Variants in TSPAN18 observed in about 807,000 individuals in gnomAD.
TSPAN18 encodes the protein tetraspanin-18.
Under a neutral mutation model 27.3 loss-of-function variants are expected in TSPAN18, and 14 were observed. That is an observed-to-expected ratio of 0.51 (90% CI 0.34 to 0.80). The LOEUF is 0.80. Among genes scored for constraint, TSPAN18 ranks in the 30% least tolerant of loss-of-function variants. The pLI, the probability that TSPAN18 is intolerant of heterozygous loss-of-function variation, is 0.01. For synonymous variants in TSPAN18, 143 were observed against 136.5 expected, an observed-to-expected ratio of 1.05 and a Z score of -0.33; for missense variants, 268 against 323.9, an observed-to-expected ratio of 0.83 and a Z score of 1.32.
chr11:44,903,466 C>T (rs1277547199), intron 3 of TSPAN18: 3 of 456,454 alleles, frequency 6.6e-6, no homozygotes, highest in Non-Finnish European at 1.3e-5. Context: ...GCAGCTTGGT[C>T]TCCTGTAGAG....
chr11:44,855,285 G>A (rs187712822), intron 2 of TSPAN18, among the ~76,000 whole-genome samples: 50 of 152,120 alleles, frequency 3.3e-4, no homozygotes, highest in Non-Finnish European at 6.0e-4. Flanking sequence ...TCTTTTCTGA[G>A]TCATCTCAGG....
intron 1 of TSPAN18, among the ~76,000 whole-genome samples, chr11:44,750,315 T>G (rs1170503400): frequency 1.3e-5 from 2 of 152,254 alleles, no homozygotes; most frequent in Non-Finnish European, 2.9e-5. Flanking sequence ...TTCCCTCTCC[T>G]GCCTTCCTCA....
intron 3 of TSPAN18, among the ~76,000 whole-genome samples, chr11:44,878,907 T>C (rs1325371257): frequency 6.6e-6 from 1 of 151,964 alleles, no homozygotes; most frequent in African/African-American, 2.4e-5. Flanking sequence ...GTGTGTGATG[T>C]TGGGCAACCC....
At chr11:44,740,550 G>A (rs1365971974) in intron 1 of TSPAN18, among the ~76,000 whole-genome samples, 9 of 152,170 alleles carry the variant, frequency 5.9e-5, no homozygotes, top group Admixed American at 5.9e-4. Flanking sequence ...AGAAGCTGAT[G>A]GGGACGTAGT....
chr11:44,834,143 T>C (rs896263749), intron 2 of TSPAN18, among the ~76,000 whole-genome samples: 31 of 151,730 alleles, frequency 2.0e-4, no homozygotes, highest in Admixed American at 4.6e-4. Context: ...TTTTTAGGAT[T>C]CTTTTTTTTT....
intron 3 of TSPAN18, among the ~76,000 whole-genome samples, chr11:44,898,072 A>T (rs1399355949): frequency 6.6e-6 from 1 of 152,200 alleles, no homozygotes; most frequent in Non-Finnish European, 1.5e-5. Context: ...TTGAGGACCC[A>T]CTATGTGCCA....
At chr11:44,834,352 A>G (rs1857219861) in intron 2 of TSPAN18, among the ~76,000 whole-genome samples, 2 of 152,154 alleles carry the variant, frequency 1.3e-5, no homozygotes, top group African/African-American at 2.4e-5. Context: ...TGTTGGCTCC[A>G]AAAGGAGAGA....
rs181682191 is a variant in TSPAN18, at chr11:44,740,082, C to T, written c.-240+12795C>T. Among the ~76,000 whole-genome samples the T allele has an allele frequency of 2.1e-3, 323 of 152,328 alleles. 1 individual carries two copies. The highest frequency in any genetic ancestry group is 6.8e-3 in the Middle Eastern group (2 of 294). On this transcript the variant is annotated intron_variant, in intron 1 of 9. Coordinates refer to ENST00000520358, the MANE Select transcript of TSPAN18 (RefSeq NM_130783.5). ...GAGACACCTATGGTAGGGTGGCTAC[C>T]GGGTCAGTGGCTTATTCTCTTTGTC...
At chr11:44,747,001 C>T (rs1855093347) in intron 1 of TSPAN18, among the ~76,000 whole-genome samples, 2 of 152,374 alleles carry the variant, frequency 1.3e-5, no homozygotes, top group East Asian at 1.9e-4. Flanking sequence ...TGGCGGTTCC[C>T]TCCTCGCTGG....
intron 1 of TSPAN18, among the ~76,000 whole-genome samples, chr11:44,741,007 C>T (rs560557469): frequency 6.6e-6 from 1 of 152,240 alleles, no homozygotes; most frequent in Admixed American, 6.5e-5. Context: ...ATATCCCATC[C>T]GCATCACGGG....
rs1454669335 is a variant in TSPAN18, at chr11:44,909,808, A to G, written c.167A>G (p.Tyr56Cys). 1 of 1,613,770 alleles carries G rather than the reference A, an allele frequency of 6.2e-7. No individual in the cohort carries two copies. The highest frequency in any genetic ancestry group is 1.3e-5 in the African/African-American group (1 of 74,884). The part of the protein sequence containing the change: ...AANPLLLTGA[Y>C]ILLAMGGLLF... ...AATCCTCTGCTCCTCACGGGCGCCTACATCCTCCTGGCCATGGGGGGCCTG... is the reference window on the plus strand; with the variant it reads ...AATCCTCTGCTCCTCACGGGCGCCTGCATCCTCCTGGCCATGGGGGGCCTG... Residue 56 changes from tyrosine (Y) to cysteine (C), a missense_variant, in exon 5 of 10, where the codon TAC (tyrosine) becomes TGC (cysteine). Transcript: ENST00000520358.
chr11:44,800,006 G>GGTTTTTTTTTTTT (rs1554985027), intron 2 of TSPAN18, among the ~76,000 whole-genome samples: 8 of 109,392 alleles, frequency 7.3e-5, no homozygotes, highest in South Asian at 2.9e-4. Flanking sequence ...AATTTTTTGT[G>GGTTTTTTTTTTTT]TTTTTTTTTT....
intron 2 of TSPAN18, among the ~76,000 whole-genome samples, chr11:44,843,114 GTTC>G (rs1857407459): frequency 6.6e-6 from 1 of 152,166 alleles, no homozygotes; most frequent in Non-Finnish European, 1.5e-5. Context: ...GCAGTAGTTT[GTTC>G]TTCTGTATTT....
At chr11:44,911,419 G>A (rs890117134) in intron 5 of TSPAN18, among the ~76,000 whole-genome samples, 1 of 152,160 alleles carries the variant, frequency 6.6e-6, no homozygotes, top group Non-Finnish European at 1.5e-5. Context: ...TGCGAAATGA[G>A]TGACAAGGAG....
rs75119220 is a variant in TSPAN18 at position 44,911,750 on chromosome 11, C to T, written c.258+1851C>T. 4.9e-3 allele frequency among the ~76,000 whole-genome samples: 740 copies of T among 152,196 alleles called. 6 individuals are homozygous for T. The highest frequency in any genetic ancestry group is 0.017 in the African/African-American group (713 of 41,534). ...CAGGCTGGAGCGGCTCTAGTCTCCT[C>T]CAGTAAGTGGCTGCCTGCAAACCTG... On this transcript the variant is annotated intron_variant, in intron 5 of 9. Coordinates refer to ENST00000520358, the MANE Select transcript of TSPAN18 (RefSeq NM_130783.5).
At chr11:44,866,410 G>C (rs1858037007) in intron 3 of TSPAN18, among the ~76,000 whole-genome samples, 1 of 152,190 alleles carries the variant, frequency 6.6e-6, no homozygotes. Flanking sequence ...ATTTGGGAAA[G>C]GCTGCTGGAC....
At chr11:44,771,685 G>GA (rs978565587) in intron 2 of TSPAN18, among the ~76,000 whole-genome samples, 1 of 152,068 alleles carries the variant, frequency 6.6e-6, no homozygotes, top group Non-Finnish European at 1.5e-5. Flanking sequence ...AAATATTCTA[G>GA]AAAAAAATGC....
intron 1 of TSPAN18, among the ~76,000 whole-genome samples, chr11:44,739,758 G>C (rs532924872): frequency 6.6e-6 from 1 of 151,230 alleles, no homozygotes; most frequent in African/African-American, 2.5e-5. Context: ...TCTTACACCA[G>C]TCTCTGGGCC....
intron 4 of TSPAN18, among the ~76,000 whole-genome samples, chr11:44,908,123 A>C (rs1208183309): frequency 6.6e-6 from 1 of 150,572 alleles, no homozygotes; most frequent in Non-Finnish European, 1.5e-5. Context: ...GTCGCTGGCC[A>C]TGCCTGTTAA....
Sources: allele counts gnomAD v4.1 joint callset (sites outside exome capture counted in the v4.1 genomes callset), GRCh38; gene constraint gnomAD v4.1.1; transcripts MANE v1.5; gene names NCBI Gene and HGNC (gene_info 2026-07-23, HGNC 2026-07-21).